ADAMTS2: variants seen among roughly 807,000 people sequenced by gnomAD.
The protein encoded by ADAMTS2 is ADAM metallopeptidase with thrombospondin type 1 motif 2.
A neutral mutation model predicts 123.0 loss-of-function variants in ADAMTS2; 50 were observed. The ratio of observed to expected loss-of-function variants is 0.41; its 90% CI spans 0.32 to 0.51. The LOEUF (loss-of-function observed/expected upper bound fraction) is 0.51. Ranked by LOEUF, ADAMTS2 falls within the 20% of genes least tolerant of loss-of-function variation. ADAMTS2 has a pLI of 0.35. For synonymous variants in ADAMTS2, 678 were observed against 695.4 expected (o/e 0.98, Z 0.39); for missense variants, 1,494 against 1,705.2 (o/e 0.88, Z 2.18).
intron 3 of ADAMTS2, among the ~76,000 whole-genome samples, chr5:179,235,750 G>C (rs541132892): frequency 4.6e-5 from 7 of 152,312 alleles, no homozygotes; most frequent in African/African-American, 1.7e-4. Flanking sequence ...TTGCCAATAG[G>C]GTCCTCTCTG....
chr5:179,199,639 C>T (rs1029019871), intron 4 of ADAMTS2, among the ~76,000 whole-genome samples: 3 of 152,154 alleles, frequency 2.0e-5, no homozygotes, highest in Non-Finnish European at 4.4e-5. Flanking sequence ...GGGGTGCACT[C>T]ACTCTGCTAG....
chr5:179,238,232 C>T (rs547219353), intron 3 of ADAMTS2, among the ~76,000 whole-genome samples: 44 of 152,292 alleles, frequency 2.9e-4, no homozygotes, highest in Admixed American at 2.7e-3. Flanking sequence ...CAGGTGGAAC[C>T]GCAGACGTCT....
At chr5:179,137,635 C>T (rs1763087573) in intron 12 of ADAMTS2, 134 bp downstream of exon 12, 1 of 1,253,792 alleles carries the variant, frequency 8.0e-7, no homozygotes, top group Non-Finnish European at 1.1e-6. Context: ...GCCACACCAG[C>T]CAGGGTGGGC....
chr5:179,338,183 C>T (rs1008971986), intron 2 of ADAMTS2, among the ~76,000 whole-genome samples: 21 of 152,198 alleles, frequency 1.4e-4, no homozygotes, highest in African/African-American at 4.8e-4. Flanking sequence ...CCAGTGCTGA[C>T]TATGCCGGCC....
chr5:179,280,042 A>G (rs1175795415), intron 2 of ADAMTS2, among the ~76,000 whole-genome samples: 2 of 152,118 alleles, frequency 1.3e-5, no homozygotes, highest in African/African-American at 2.4e-5. Flanking sequence ...CTATGGCTGG[A>G]GCTGGGCCTT....
chr5:179,151,138 C>A (rs1037496539), intron 10 of ADAMTS2: 1 of 382,084 alleles, frequency 2.6e-6, no homozygotes, highest in Non-Finnish European at 5.4e-6. Context: ...CTCAGGCGAT[C>A]CACCTACCTT....
At chr5:179,296,326 C>T (rs1756329899) in intron 2 of ADAMTS2, among the ~76,000 whole-genome samples, 1 of 151,872 alleles carries the variant, frequency 6.6e-6, no homozygotes, top group Admixed American at 6.6e-5. Context: ...CGGGGCCTGT[C>T]TGTGCTCGGA....
At chr5:179,342,741 T>A (rs1450737297) in intron 2 of ADAMTS2, among the ~76,000 whole-genome samples, 1 of 152,082 alleles carries the variant, frequency 6.6e-6, no homozygotes. Context: ...ACACACCCAA[T>A]CCAAAATAGA....
At chr5:179,206,828 G>C (rs892757685) in intron 4 of ADAMTS2, among the ~76,000 whole-genome samples, 1 of 152,236 alleles carries the variant, frequency 6.6e-6, no homozygotes, top group Non-Finnish European at 1.5e-5. Context: ...GGAATGAGGG[G>C]GAGGTGGTTC....
chr5:179,232,511 A>C (rs1265661021), intron 3 of ADAMTS2, among the ~76,000 whole-genome samples: 1 of 152,240 alleles, frequency 6.6e-6, no homozygotes, highest in East Asian at 1.9e-4. Context: ...ATGGCTACCA[A>C]GAGTCTGTGC....
At chr5:179,337,835 C>T (rs26810) in intron 2 of ADAMTS2, among the ~76,000 whole-genome samples, 13,617 of 130,874 alleles carry the variant, frequency 0.1, 573 homozygotes, top group South Asian at 0.14. Flanking sequence ...TGGGTGAGGA[C>T]CTGGCCTTCA....
In ADAMTS2 at chr5:179,341,638, G is replaced by A. The variant is rs575683932; in HGVS notation, c.534+2129C>T. On this transcript the variant is annotated intron_variant, in intron 2 of 21. Coordinates refer to ENST00000251582, the MANE Select transcript of ADAMTS2 (RefSeq NM_014244.5). Reference sequence around the variant, plus strand: ...TGAGGCAGGAGAATGGCGTGAACCCGGAAGGCAGAGCGCTTGCAGTGAGCT... The same window carrying A: ...TGAGGCAGGAGAATGGCGTGAACCCAGAAGGCAGAGCGCTTGCAGTGAGCT... 2.0e-3 allele frequency among the ~76,000 whole-genome samples: 306 copies of A among 151,826 alleles called. 2 individuals are homozygous for A. The highest frequency in any genetic ancestry group is 3.7e-3 in the Non-Finnish European group (250 of 67,950).
At chr5:179,270,032 C>T (rs984933776) in intron 3 of ADAMTS2, among the ~76,000 whole-genome samples, 2 of 152,154 alleles carry the variant, frequency 1.3e-5, no homozygotes, top group Non-Finnish European at 2.9e-5. Flanking sequence ...CTAATAACAT[C>T]CTCTCCCGGG....
At chr5:179,165,631 C>T (rs1051707592) in intron 5 of ADAMTS2, among the ~76,000 whole-genome samples, 1 of 152,182 alleles carries the variant, frequency 6.6e-6, no homozygotes, top group Non-Finnish European at 1.5e-5. Context: ...CAGCCGCGGG[C>T]ACCCAGCCTC....
intron 2 of ADAMTS2, among the ~76,000 whole-genome samples, chr5:179,334,536 G>A (rs1757561457): frequency 2.0e-5 from 3 of 152,250 alleles, no homozygotes; most frequent in African/African-American, 7.2e-5. Context: ...GTATTAAGCA[G>A]AGAAATACCG....
At chr5:179,331,958 C>T (rs933329426) in intron 2 of ADAMTS2, among the ~76,000 whole-genome samples, 3 of 152,238 alleles carry the variant, frequency 2.0e-5, no homozygotes, top group African/African-American at 7.2e-5. Flanking sequence ...CTCAGTCCCA[C>T]ACAGCAGCCC....
chr5:179,244,984 T>A (rs2113457470), intron 3 of ADAMTS2, among the ~76,000 whole-genome samples: 1 of 152,336 alleles, frequency 6.6e-6, no homozygotes, highest in East Asian at 1.9e-4. Context: ...CCTCCAAAGA[T>A]GTTCACATTC....
chr5:179,345,173 G>T lies in ADAMTS2; in HGVS notation c.139+17C>A. 1 of 1,098,514 alleles carries T rather than the reference G, an allele frequency of 9.1e-7. No individual in the cohort carries two copies. The highest frequency in any genetic ancestry group is 1.1e-6 in the Non-Finnish European group (1 of 906,022). 68.0% of individuals were successfully genotyped at this position (1,098,514 alleles called of 1,614,324 possible). ...GCCGGCGGGGGTCCCGGGGAGTAGGGGCCGGGCCGCACCTACCTGGGGGGT... is the reference window on the plus strand; with the variant it reads ...GCCGGCGGGGGTCCCGGGGAGTAGGTGCCGGGCCGCACCTACCTGGGGGGT... On this transcript the variant is annotated intron_variant, in intron 1 of 21. Transcript: ENST00000251582. The surrounding 1 kb of genome is among the most constrained non-coding windows in gnomAD (Gnocchi z 7.5).
rs1762991764 is a variant in ADAMTS2, at chr5:179,132,939, G to A, written c.2086-39C>T. 1 of 1,606,910 alleles carries A rather than the reference G, an allele frequency of 6.2e-7. No homozygotes were observed. The highest frequency in any genetic ancestry group is 8.5e-7 in the Non-Finnish European group (1 of 1,177,012). ...AGGCAGTGAGCACTTGAGACGTCCT[G>A]CTAGTAGAGTCAGGGTCATACTATG... On this transcript the variant is annotated intron_variant, in intron 13 of 21. Coordinates refer to ENST00000251582, the MANE Select transcript of ADAMTS2 (RefSeq NM_014244.5). The surrounding 1 kb of genome is among the most constrained non-coding windows in gnomAD (Gnocchi z 6.1).
Sources: allele counts gnomAD v4.1 joint callset (sites outside exome capture counted in the v4.1 genomes callset), GRCh38; gene constraint gnomAD v4.1.1; non-coding constraint Gnocchi (gnomAD v3.1); transcripts MANE v1.5; gene names NCBI Gene and HGNC (gene_info 2026-07-23, HGNC 2026-07-21).